Variants in ANKS1B observed in about 807,000 individuals in gnomAD.
The protein encoded by ANKS1B is ankyrin repeat and sterile alpha motif domain-containing protein 1B.
Under a neutral mutation model 148.3 loss-of-function variants are expected in ANKS1B, and 36 were observed. The observed-to-expected ratio is 0.24, with a 90% CI of 0.19 to 0.32. The LOEUF (loss-of-function observed/expected upper bound fraction) is 0.32. ANKS1B is among the 10% of genes least tolerant of loss of function. The probability of loss-of-function intolerance (pLI) is 1.00; values close to 1 mark genes in which losing one functional copy is unlikely to be tolerated. For synonymous variants in ANKS1B, 542 were observed against 560.8 expected, an observed-to-expected ratio of 0.97 and a Z score of 0.47; for missense variants, 1,157 against 1,542.6, an observed-to-expected ratio of 0.75 and a Z score of 4.19.
At chr12:99,522,465 C>A (rs1049470511) in intron 9 of ANKS1B, among the ~76,000 whole-genome samples, 1 of 151,890 alleles carries the variant, frequency 6.6e-6, no homozygotes, top group African/African-American at 2.4e-5. Context: ...AACATTATGC[C>A]CCCCAAGAAA....
intron 1 of ANKS1B, among the ~76,000 whole-genome samples, chr12:99,898,830 T>A (rs556818316): frequency 6.6e-6 from 1 of 151,558 alleles, no homozygotes; most frequent in South Asian, 2.1e-4. Flanking sequence ...AACAAGATGG[T>A]GATGATGATG....
intron 15 of ANKS1B, among the ~76,000 whole-genome samples, chr12:99,094,805 TTTGA>T (rs2055351166): frequency 6.6e-6 from 1 of 152,192 alleles, no homozygotes; most frequent in South Asian, 2.1e-4. Flanking sequence ...TGATAAGGAC[TTTGA>T]TTGTATTCCA....
intron 17 of ANKS1B, among the ~76,000 whole-genome samples, chr12:99,044,545 G>A (rs1258896567): frequency 1.3e-5 from 2 of 152,100 alleles, no homozygotes; most frequent in African/African-American, 4.8e-5. Context: ...GAATGAGGGA[G>A]GACAGCATCT....
At chr12:99,294,259 A>C (rs1236661080) in intron 12 of ANKS1B, among the ~76,000 whole-genome samples, 4 of 152,200 alleles carry the variant, frequency 2.6e-5, no homozygotes, top group African/African-American at 9.6e-5. Flanking sequence ...CAATGGCCAA[A>C]ATTTGGAAGC....
intron 9 of ANKS1B, 96 bp from the exon 10 acceptor site, chr12:99,504,737 T>TTCCAAAG: frequency 1.1e-6 from 1 of 916,932 alleles, no homozygotes; most frequent in Non-Finnish European, 1.6e-6. Context: ...CATTAGTTCT[T>TTCCAAAG]TCCAAAGTGA....
intron 3 of ANKS1B, among the ~76,000 whole-genome samples, chr12:99,810,790 T>C (rs1429691206): frequency 6.6e-6 from 1 of 152,028 alleles, no homozygotes; most frequent in African/African-American, 2.4e-5. Flanking sequence ...ACATCTTGTT[T>C]GTAAAAACTA....
chr12:99,480,087 A>C (rs1202962528), intron 10 of ANKS1B, among the ~76,000 whole-genome samples: 1 of 151,852 alleles, frequency 6.6e-6, no homozygotes, highest in Admixed American at 6.6e-5. Flanking sequence ...TAGGACATAG[A>C]GTATACCCTA....
At chr12:99,780,228 T>G (rs1007602338) in intron 5 of ANKS1B, among the ~76,000 whole-genome samples, 2 of 151,960 alleles carry the variant, frequency 1.3e-5, no homozygotes, top group Non-Finnish European at 2.9e-5. Context: ...ATCAATTAAC[T>G]CTTAAAGGGC....
chr12:99,914,374 G>A (rs1372111560), intron 1 of ANKS1B, among the ~76,000 whole-genome samples: 1 of 152,170 alleles, frequency 6.6e-6, no homozygotes, highest in East Asian at 1.9e-4. Context: ...GAAGGAGGAA[G>A]TACAAGCTTA....
At chr12:99,715,792 C>T (rs2057243717) in intron 8 of ANKS1B, among the ~76,000 whole-genome samples, 1 of 152,190 alleles carries the variant, frequency 6.6e-6, no homozygotes, top group African/African-American at 2.4e-5. Context: ...CTCACTATCC[C>T]TCAACCACTT....
At chr12:98,902,334 C>G (rs530320573) in intron 17 of ANKS1B, among the ~76,000 whole-genome samples, 1 of 152,178 alleles carries the variant, frequency 6.6e-6, no homozygotes, top group African/African-American at 2.4e-5. Context: ...CCTTCCCACA[C>G]CTTTAAGCAA....
rs375789058 is a variant in ANKS1B, at chr12:99,561,112, C to T, written c.1273-56471G>A. On this transcript the variant is annotated intron_variant, in intron 9 of 26. Coordinates refer to ENST00000683438, the MANE Select transcript of ANKS1B (RefSeq NM_001352186.2). ...CCACCCGCCTCGGCCTCCCAAAGTG[C>T]TAGGATTACAGGTGTAAGCCAGTGC... Among the ~76,000 whole-genome samples the T allele has an allele frequency of 4.5e-3, 686 of 152,226 alleles. 3 individuals are homozygous for T. The highest frequency in any genetic ancestry group is 7.6e-3 in the Non-Finnish European group (514 of 68,006).
chr12:99,188,354 A>T (rs886280514), intron 14 of ANKS1B, among the ~76,000 whole-genome samples: 2 of 152,360 alleles, frequency 1.3e-5, no homozygotes, highest in South Asian at 4.1e-4. Context: ...CCTAATAGAC[A>T]TCTACAAAAC....
chr12:99,752,559 C>G (rs909692142), intron 8 of ANKS1B, among the ~76,000 whole-genome samples: 2 of 151,882 alleles, frequency 1.3e-5, no homozygotes, highest in Non-Finnish European at 2.9e-5. Flanking sequence ...TTTTAGTTTT[C>G]TCATTACGCA....
chr12:99,664,005 G>T (rs912262401), intron 8 of ANKS1B, among the ~76,000 whole-genome samples: 3 of 151,842 alleles, frequency 2.0e-5, no homozygotes, highest in Non-Finnish European at 4.4e-5. Context: ...CAAAACTTTT[G>T]TTCATTTATC....
intron 9 of ANKS1B, among the ~76,000 whole-genome samples, chr12:99,646,377 G>A (rs912039799): frequency 2.0e-5 from 3 of 151,994 alleles, no homozygotes; most frequent in African/African-American, 7.3e-5. Context: ...GACTCAAGTG[G>A]GCTGGGCACG....
intron 9 of ANKS1B, among the ~76,000 whole-genome samples, chr12:99,629,287 G>A (rs890282169): frequency 4.6e-5 from 7 of 152,112 alleles, no homozygotes; most frequent in African/African-American, 1.7e-4. Flanking sequence ...CTGAAAAACT[G>A]TAGCCTCATT....
chr12:99,887,319 A>G (rs2092875715), intron 1 of ANKS1B, among the ~76,000 whole-genome samples: 1 of 152,264 alleles, frequency 6.6e-6, no homozygotes, highest in African/African-American at 2.4e-5. Context: ...TACTTGGTAC[A>G]AGATAAAGAA....
At chr12:99,211,796 G>A (rs1187199240) in intron 14 of ANKS1B, among the ~76,000 whole-genome samples, 1 of 152,120 alleles carries the variant, frequency 6.6e-6, no homozygotes, top group Non-Finnish European at 1.5e-5. Flanking sequence ...TATAGCCTGT[G>A]GCCAGAGGAG....
Sources: allele counts gnomAD v4.1 joint callset (sites outside exome capture counted in the v4.1 genomes callset), GRCh38; gene constraint gnomAD v4.1.1; transcripts MANE v1.5; gene names NCBI Gene and HGNC (gene_info 2026-07-23, HGNC 2026-07-21).